Variants in HS1BP3 observed in about 807,000 individuals in gnomAD.
HS1BP3 encodes the protein HCLS1-binding protein 3.
Under a neutral mutation model 33.5 loss-of-function variants are expected in HS1BP3, and 32 were observed. The observed-to-expected ratio is 0.95, with a 90% CI of 0.72 to 1.28. HS1BP3 has a LOEUF of 1.28. HS1BP3 is among the 50% of genes most tolerant of loss of function. HS1BP3 has a pLI of 0.00. For missense variants in HS1BP3, 486 were observed against 502.3 expected, an observed-to-expected ratio of 0.97 and a Z score of 0.31; for synonymous variants, 187 against 209.2, an observed-to-expected ratio of 0.89 and a Z score of 0.92.
intron 5 of HS1BP3, among the ~76,000 whole-genome samples, chr2:20,564,902 C>G (rs1693088520): frequency 6.6e-6 from 1 of 152,212 alleles, no homozygotes; most frequent in Admixed American, 6.5e-5. Flanking sequence ...CTTCCACCAC[C>G]AGGACTCAGA....
chr2:20,582,767 G>T (rs59300971), intron 5 of HS1BP3, among the ~76,000 whole-genome samples: 1 of 152,114 alleles, frequency 6.6e-6, no homozygotes, highest in African/African-American at 2.4e-5. Context: ...ACCTCAGCTC[G>T]CTGGGCTCAG....
Position 20,611,483 on chromosome 2 carries a change from G to A in HS1BP3, c.178+12413C>T, listed in dbSNP as rs1206016055. ...GCGCAAAGTTCAGGGACCAGGAGAG[G>A]GAAACCGATGTGTTTACTTCCTGTC... is the stretch of plus-strand genomic sequence containing the variant. On this transcript the variant is annotated intron_variant, in intron 2 of 3. Transcript: ENST00000415264. The surrounding 1 kb of genome is among the most constrained non-coding windows in gnomAD (Gnocchi z 4.9). 1.3e-5 allele frequency among the ~76,000 whole-genome samples: 2 copies of A among 152,208 alleles called. No individual in the cohort carries two copies. The highest frequency in any genetic ancestry group is 4.8e-5 in the African/African-American group (2 of 41,448).
intron 4 of HS1BP3, among the ~76,000 whole-genome samples, chr2:20,629,595 A>C (rs1196271905): frequency 6.6e-6 from 1 of 152,184 alleles, no homozygotes; most frequent in Non-Finnish European, 1.5e-5. Flanking sequence ...GTTCATTGGA[A>C]CTAGTGCAGG....
Position 20,598,266 on chromosome 2 carries a change from C to T in HS1BP3, c.179-1G>A, listed in dbSNP as rs1184982959. 1 of 424,928 alleles carries T rather than the reference C, an allele frequency of 2.4e-6. No individual in the cohort carries two copies. The highest frequency in any genetic ancestry group is 7.3e-5 in the East Asian group (1 of 13,766). The allele number at this position is 424,928 out of a possible 1,614,324, so 26.3% of individuals were successfully genotyped here. On this transcript the variant is annotated splice_acceptor_variant, in intron 2 of 3. Transcript: ENST00000415264. LOFTEE classifies it high-confidence loss of function. Reference sequence around the variant, plus strand: ...TTTGCCTGCAACTAGATGGTCCCACCTTCAGGGGATGAGAGACAGTGATAG... The same window carrying T: ...TTTGCCTGCAACTAGATGGTCCCACTTTCAGGGGATGAGAGACAGTGATAG...
intron 2 of HS1BP3, 46 bp downstream of exon 2, chr2:20,645,294 G>T: frequency 6.3e-7 from 1 of 1,587,188 alleles, no homozygotes; most frequent in South Asian, 1.1e-5. Context: ...TGCCCGCCCG[G>T]ACCCCGGGCA....
chr2:20,589,599 G>T (rs1693762570), downstream of HS1BP3, among the ~76,000 whole-genome samples: 1 of 152,204 alleles, frequency 6.6e-6, no homozygotes, highest in Non-Finnish European at 1.5e-5. Context: ...CAGGAAGTTA[G>T]CTTGTTAGCT....
At chr2:20,645,087 C>A (rs1247158131) in intron 2 of HS1BP3, among the ~76,000 whole-genome samples, 1 of 152,170 alleles carries the variant, frequency 6.6e-6, no homozygotes, top group African/African-American at 2.4e-5. Context: ...TTCTCTATAC[C>A]CCCAGAGCCC....
intron 5 of HS1BP3, among the ~76,000 whole-genome samples, chr2:20,562,106 T>C (rs902788457): frequency 2.0e-5 from 3 of 152,192 alleles, no homozygotes; most frequent in African/African-American, 4.8e-5. Context: ...GGAGGCTCCA[T>C]GCCCCTTTCC....
At chr2:20,573,391 C>G (rs1016067050) in intron 5 of HS1BP3, among the ~76,000 whole-genome samples, 3 of 152,176 alleles carry the variant, frequency 2.0e-5, no homozygotes, top group African/African-American at 7.2e-5. Flanking sequence ...CCTCTGTCTC[C>G]ACCACAACCC....
chr2:20,555,852 A>G (rs1692828833), downstream of HS1BP3, among the ~76,000 whole-genome samples: 1 of 152,174 alleles, frequency 6.6e-6, no homozygotes, highest in African/African-American at 2.4e-5. Flanking sequence ...CACCCACAGG[A>G]GAAAATGGAA....
intron 4 of HS1BP3, among the ~76,000 whole-genome samples, chr2:20,634,054 AGGAT>A (rs1175980382): frequency 6.6e-6 from 1 of 152,236 alleles, no homozygotes; most frequent in Non-Finnish European, 1.5e-5. Context: ...CATGAACCCC[AGGAT>A]GGCACAGCAG....
chr2:20,564,028 C>T lies in HS1BP3; in HGVS notation c.303-3513G>A, dbSNP rs73916902. On this transcript the variant is annotated intron_variant, in intron 5 of 5. Coordinates refer to the HS1BP3 transcript ENST00000446825. Reference sequence around the variant, plus strand: ...TCAGCTGGGAGGAGAGCCAGGAGGACGGGAATAGGAAAAGGAGGGCTCCTA... The same window carrying T: ...TCAGCTGGGAGGAGAGCCAGGAGGATGGGAATAGGAAAAGGAGGGCTCCTA... Among the ~76,000 whole-genome samples, 1,076 of 152,166 alleles carry T rather than the reference C, an allele frequency of 7.1e-3. 5 individuals carry two copies. Among genetic ancestry groups the T allele is most frequent in the Middle Eastern group, 0.027 (8 of 294 alleles).
chr2:20,596,808 C>A (rs1355266517), intron 3 of HS1BP3, among the ~76,000 whole-genome samples: 3 of 152,206 alleles, frequency 2.0e-5, no homozygotes, highest in Non-Finnish European at 4.4e-5. Flanking sequence ...GTCCTACACA[C>A]AAATCTCAGC....
intron 3 of HS1BP3, among the ~76,000 whole-genome samples, chr2:20,594,723 G>A (rs72782368): frequency 0.067 from 10,140 of 152,230 alleles, 386 homozygotes; most frequent in South Asian, 0.18. Flanking sequence ...CTTAGAAATG[G>A]CAGACATGTA....
At chr2:20,631,502 G>A (rs1479528506) in intron 4 of HS1BP3, among the ~76,000 whole-genome samples, 2 of 85,138 alleles carry the variant, frequency 2.3e-5, no homozygotes, top group African/African-American at 4.7e-5. Flanking sequence ...AGGTAAAAGA[G>A]TAAGAACCTG....
rs142985362 is a variant in HS1BP3 at position 20,575,376 on chromosome 2, C to T, written c.303-14861G>A. The stretch of plus-strand genomic sequence containing the variant: ...GCCTGGAAGCCCTAGTCCAAAGCCT[C>T]CTGGGCTTATTTCAACCCATCAGCT... On this transcript the variant is annotated intron_variant, in intron 5 of 5. Transcript: ENST00000446825. Among the ~76,000 whole-genome samples, 719 of 152,338 alleles carry T rather than the reference C, an allele frequency of 4.7e-3. 7 individuals are homozygous for T. Among genetic ancestry groups the T allele is most frequent in the African/African-American group, 0.016 (669 of 41,560 alleles).
In HS1BP3 at chr2:20,609,945, G is replaced by A. The variant is rs549434717; in HGVS notation, c.179-11680C>T. Among the ~76,000 whole-genome samples the A allele has an allele frequency of 5.9e-5, 9 of 152,306 alleles. No individual in the cohort carries two copies. In the South Asian group the frequency reaches 6.2e-4, roughly 11 times the overall value. Reference sequence around the variant, plus strand: ...CCCAGGTACCCTGGGGACTGTGGGGGCTATCACCAAAGGTGGGGCATGGTC... The same window carrying A: ...CCCAGGTACCCTGGGGACTGTGGGGACTATCACCAAAGGTGGGGCATGGTC... On this transcript the variant is annotated intron_variant, in intron 2 of 3. Coordinates refer to the HS1BP3 transcript ENST00000415264.
At chr2:20,620,125 A>T (rs919584886) in intron 6 of HS1BP3, among the ~76,000 whole-genome samples, 2 of 152,130 alleles carry the variant, frequency 1.3e-5, no homozygotes, top group African/African-American at 2.4e-5. Context: ...ACAGTGGAAG[A>T]CTCATTCAAT....
intron 4 of HS1BP3, among the ~76,000 whole-genome samples, chr2:20,627,032 C>T (rs1441804202): frequency 6.6e-6 from 1 of 152,192 alleles, no homozygotes; most frequent in Non-Finnish European, 1.5e-5. Context: ...GCCCAGGAGG[C>T]TGTGTTCAGT....
Sources: allele counts gnomAD v4.1 joint callset (sites outside exome capture counted in the v4.1 genomes callset), GRCh38; gene constraint gnomAD v4.1.1; non-coding constraint Gnocchi (gnomAD v3.1); transcripts MANE v1.5; gene names NCBI Gene and HGNC (gene_info 2026-07-23, HGNC 2026-07-21).